KRT74: variants seen among roughly 807,000 people sequenced by gnomAD.
The protein encoded by KRT74 is keratin, type II cytoskeletal 74.
In KRT74, 43 loss-of-function variants were observed where a neutral mutation model predicts 42.7. The ratio of observed to expected loss-of-function variants is 1.01; its 90% CI spans 0.79 to 1.30. The LOEUF (loss-of-function observed/expected upper bound fraction) is 1.30. KRT74 is among the 50% of genes most tolerant of loss of function. The probability of loss-of-function intolerance (pLI) is 0.00; values close to 1 mark genes in which losing one functional copy is unlikely to be tolerated. For synonymous variants in KRT74, 302 were observed against 279.0 expected (o/e 1.08, Z -0.82); for missense variants, 736 against 689.1 (o/e 1.07, Z -0.76).
chr12:52,570,838 A>G lies in KRT74; in HGVS notation c.844-5T>C. The G allele has an allele frequency of 6.2e-6, 10 of 1,614,230 alleles. 1 individual carries two copies. Among genetic ancestry groups the G allele is most frequent in the East Asian group, 4.5e-5 (2 of 44,886 alleles). ...AGTCTGGATCTGAGCGATCTCCTGC[A>G]TTGAGAGAGGAAGACAGATTCAGCA... On this transcript the variant is annotated splice_polypyrimidine_tract_variant and splice_region_variant and intron_variant, in intron 4 of 8. Coordinates refer to ENST00000305620, the MANE Select transcript of KRT74 (RefSeq NM_175053.4).
At position 52,568,352 on chromosome 12, in the gene KRT74, T is replaced by C; in HGVS notation, c.1172A>G (p.Gln391Arg). 1 of 1,614,236 alleles carries C rather than the reference T, an allele frequency of 6.2e-7. No homozygotes were observed. The highest frequency in any genetic ancestry group is 8.5e-7 in the Non-Finnish European group (1 of 1,180,046). The stretch of plus-strand genomic sequence containing the variant: ...ATCCTTCAGGGCATTGTCTCCCCGC[T>C]GCTCAGCGTCAGCGATGGCCGTCTC... ...SLETAIADAE[Q>R]RGDNALKDAQ... is the part of the protein sequence containing the mutation. Residue 391 changes from glutamine to arginine, a missense_variant, in exon 7 of 9, where the codon CAG becomes CGG. Gln to Arg is a conservative substitution (Grantham distance 43, BLOSUM62 1). Transcript: ENST00000305620.
At chr12:52,572,243 G>A (rs545165671) in intron 2 of KRT74, among the ~76,000 whole-genome samples, 1 of 152,268 alleles carries the variant, frequency 6.6e-6, no homozygotes, top group Non-Finnish European at 1.5e-5. Flanking sequence ...ACATTTCAGT[G>A]GGTCAAGGAG....
In KRT74 at chr12:52,567,181, G is replaced by T; in HGVS notation, c.1391-13C>A. The T allele has an allele frequency of 6.4e-7, 1 of 1,573,978 alleles. No individual in the cohort carries two copies. Among genetic ancestry groups the T allele is most frequent in the African/African-American group, 1.3e-5 (1 of 74,266 alleles). ...CTGCTGATGACAGCTGAGGAGGAGGGGCCAAGAGCAGGGGAGAGGAGCAGT... is the reference window on the plus strand; with the variant it reads ...CTGCTGATGACAGCTGAGGAGGAGGTGCCAAGAGCAGGGGAGAGGAGCAGT... On this transcript the variant is annotated splice_polypyrimidine_tract_variant and intron_variant, in intron 8 of 8. Coordinates refer to ENST00000305620, the MANE Select transcript of KRT74 (RefSeq NM_175053.4).
chr12:52,567,542 C>G (rs1179608664), intron 8 of KRT74, 117 bp downstream of exon 8: 2 of 838,522 alleles, frequency 2.4e-6, no homozygotes, highest in East Asian at 2.4e-5. Flanking sequence ...AGCCCAGAAA[C>G]CTTCCCAAGA....
At position 52,572,637 on chromosome 12, in the gene KRT74, G is replaced by A. The variant is rs779181152; in HGVS notation, c.502C>T (p.Leu168=). ...TGCAGCAGCTCCCACTTGGTTTCTA[G>A]AACCTGGTTCTGCTGCTCTAGGAAG... ...VRFLEQQNQV[L]ETKWELLQQL... The change falls in exon 2 of 9, where the codon CTA becomes TTA. Residue 168 remains leucine, a synonymous_variant. Transcript: ENST00000305620. 1.2e-6 allele frequency: 2 copies of A among 1,614,150 alleles called. No individual in the cohort carries two copies. Among genetic ancestry groups the A allele is most frequent in the Non-Finnish European group, 8.5e-7 (1 of 1,180,038 alleles).
intron 3 of KRT74, 115 bp from the exon 4 acceptor site, chr12:52,571,569 C>T (rs1358602176): frequency 2.6e-6 from 2 of 770,038 alleles, no homozygotes; most frequent in Non-Finnish European, 4.6e-6. Context: ...AAGGAAAGCT[C>T]ACTCAATATC....
rs183514504 is a variant in KRT74, at chr12:52,572,051, C to T, written c.687-47G>A. 1.9e-4 allele frequency: 263 copies of T among 1,365,284 alleles called. 2 individuals carry two copies. The East Asian group carries it at 5.4e-3, about 28-fold the overall frequency. The allele number at this position is 1,365,284 out of a possible 1,614,324, so 84.6% of individuals were successfully genotyped here. On this transcript the variant is annotated intron_variant, in intron 2 of 8. Coordinates refer to ENST00000305620, the MANE Select transcript of KRT74 (RefSeq NM_175053.4). ...GGCCTTAGCCCCCTTAGCCAAGGAACTTTCTCTTCCTGCTGGCCAGGCAAA... is the reference window on the plus strand; with the variant it reads ...GGCCTTAGCCCCCTTAGCCAAGGAATTTTCTCTTCCTGCTGGCCAGGCAAA...
At position 52,570,658 on chromosome 12, in the gene KRT74, T is replaced by G. The variant is rs752465855; in HGVS notation, c.1008+11A>C. The G allele has an allele frequency of 6.2e-7, 1 of 1,614,206 alleles. No homozygotes were observed. On this transcript the variant is annotated intron_variant, in intron 5 of 8. Transcript: ENST00000305620. ...AGGGCTGCTGTGGGAGGAGACCCAT[T>G]CGGTGACCACCTTGGTCTGGTACAG... is the stretch of plus-strand genomic sequence containing the variant.
chr12:52,573,227 A>G, intron 1 of KRT74, 80 bp downstream of exon 1: 1 of 1,369,714 alleles, frequency 7.3e-7, no homozygotes, highest in Non-Finnish European at 1.0e-6. Flanking sequence ...TTCCAGCCAC[A>G]GTGTGCAGTC....
chr12:52,573,099 C>T (rs922479394), intron 1 of KRT74, among the ~76,000 whole-genome samples: 3 of 152,182 alleles, frequency 2.0e-5, no homozygotes, highest in African/African-American at 7.2e-5. Flanking sequence ...TCCCATCCTT[C>T]CCTGCAAAAT....
chr12:52,570,644 G>A, intron 5 of KRT74, 25 bp downstream of exon 5: 1 of 1,613,798 alleles, frequency 6.2e-7, no homozygotes, highest in Non-Finnish European at 8.5e-7. Flanking sequence ...GGGCTGCTGT[G>A]GGAGGAGACC....
chr12:52,570,169 T>A (rs1413769874), intron 5 of KRT74, among the ~76,000 whole-genome samples, 185 bp from the exon 6 acceptor site: 2 of 151,914 alleles, frequency 1.3e-5, no homozygotes, highest in Non-Finnish European at 2.9e-5. Flanking sequence ...CATAGTTCCA[T>A]TACTCAGTTT....
chr12:52,572,945 C>T (rs1565608960), intron 1 of KRT74, among the ~76,000 whole-genome samples: 1 of 152,154 alleles, frequency 6.6e-6, no homozygotes, highest in Non-Finnish European at 1.5e-5. Flanking sequence ...CCTTATGTCT[C>T]AACTAAGTGT....
intron 1 of KRT74, 77 bp from the exon 2 acceptor site, chr12:52,572,744 C>A: frequency 1.5e-6 from 2 of 1,328,112 alleles, no homozygotes; most frequent in South Asian, 1.2e-5. Flanking sequence ...ATTGACTCCC[C>A]AGGTTTGCCA....
Position 52,572,491 on chromosome 12 carries a change from C to T in KRT74, c.648G>A (p.Leu216=), listed in dbSNP as rs138143647. 9.3e-6 allele frequency: 15 copies of T among 1,614,046 alleles called. No individual in the cohort carries two copies. The highest frequency in any genetic ancestry group is 4.5e-5 in the East Asian group (2 of 44,892). The change falls in exon 2 of 9, where the codon CTG becomes CTA. Residue 216 remains leucine (L), a synonymous_variant. Coordinates refer to ENST00000305620, the MANE Select transcript of KRT74 (RefSeq NM_175053.4). The stretch of plus-strand genomic sequence containing the variant: ...CCTCCACCAGATCCCTCATGCTTCT[C>T]AGCTCCGAGTCCAGCCTCACCCTGT... ...SGDRVRLDSE[L]RSMRDLVEDY... is the part of the protein sequence containing the mutation.
Position 52,568,405 on chromosome 12 carries a change from CAG to C in KRT74, c.1135-18_1135-17del, listed in dbSNP as rs1326457831. 6 of 1,613,428 alleles carry C rather than the reference CAG, an allele frequency of 3.7e-6. No homozygotes were observed. The highest frequency in any genetic ancestry group is 5.1e-6 in the Non-Finnish European group (6 of 1,179,588). On this transcript the variant is annotated splice_polypyrimidine_tract_variant and intron_variant, in intron 6 of 8. Transcript: ENST00000305620. ...GGCTGGCACGCTGAAGGGCAAAGAA[CAG>C]AGAGACCATCAGAACAGAAAATTAC... is the stretch of plus-strand genomic sequence containing the variant.
rs536200815 is a variant in KRT74, at chr12:52,572,582, T to C, written c.557A>G (p.Asn186Ser). The stretch of plus-strand genomic sequence containing the variant: ...GTAGCCCTCAAGGATGGGCTCCAGG[T>C]TCTTCTTGCAGTTGTTCAGGTCCAG... The part of the protein sequence containing the change: ...QQLDLNNCKK[N>S]LEPILEGYIS... The change falls in exon 2 of 9, where the codon AAC becomes AGC. Residue 186 changes from asparagine (N) to serine (S), a missense_variant. Asn to Ser is a conservative substitution (Grantham distance 46). Coordinates refer to ENST00000305620, the MANE Select transcript of KRT74 (RefSeq NM_175053.4). 11 of 1,614,136 alleles carry C rather than the reference T, an allele frequency of 6.8e-6. No individual in the cohort carries two copies. The African/African-American group carries it at 1.5e-4, about 22-fold the overall frequency.
rs1565606334 is a variant in KRT74 at position 52,565,834 on chromosome 12, G to A, written c.*1135C>T. On this transcript the variant is annotated 3_prime_UTR_variant, in exon 9 of 9. Coordinates refer to ENST00000305620, the MANE Select transcript of KRT74 (RefSeq NM_175053.4). ...AATGAATATACAGCAGAAATTCAGA[G>A]TCTTTAATTCAAACAAAAGAGGAAA... 1 of 152,332 alleles carries A rather than the reference G, an allele frequency of 6.6e-6. No individual in the cohort carries two copies. The highest frequency in any genetic ancestry group is 1.9e-4 in the East Asian group (1 of 5,186). 9.4% of individuals were successfully genotyped at this position (152,332 alleles called of 1,614,324 possible). A position where few individuals can be genotyped will look rare whatever the true frequency, so the allele number is the denominator to read the frequency against.
rs1466672277 is a variant in KRT74, at chr12:52,571,384, T to G, written c.818A>C (p.Lys273Thr). The change falls in exon 4 of 9, where the codon AAG (lysine) becomes ACG (threonine). Residue 273 changes from lysine (K) to threonine (T), a missense_variant. Transcript: ENST00000305620. ...TGCATCATACAGACACTTGAGGAAC[T>G]TGATTTCTTTGTCCAGTGAGTCCAC... ...AKVDSLDKEI[K>T]FLKCLYDAEI... 6.2e-7 allele frequency: 1 copy of G among 1,612,440 alleles called. No individual in the cohort carries two copies. The highest frequency in any genetic ancestry group is 1.1e-5 in the South Asian group (1 of 91,026).
Sources: allele counts gnomAD v4.1 joint callset (sites outside exome capture counted in the v4.1 genomes callset), GRCh38; gene constraint gnomAD v4.1.1; transcripts MANE v1.5; gene names NCBI Gene and HGNC (gene_info 2026-07-23, HGNC 2026-07-21).